The following SEC14L1 variants were observed in gnomAD, a reference collection of about 807,000 sequenced individuals.
SEC14L1 encodes SEC14-like protein 1.
Under a neutral mutation model 85.3 loss-of-function variants are expected in SEC14L1, and 48 were observed. The ratio of observed to expected loss-of-function variants is 0.56; its 90% CI spans 0.45 to 0.72. The LOEUF (loss-of-function observed/expected upper bound fraction) is 0.72, where lower values mean the gene tolerates loss of function less well. Ranked by LOEUF, SEC14L1 falls within the 30% of genes least tolerant of loss-of-function variation. The pLI is 0.00. For synonymous variants in SEC14L1, 391 were observed against 355.5 expected (o/e 1.10, Z -1.12); for missense variants, 682 against 921.4 (o/e 0.74, Z 3.36).
intron 3 of SEC14L1, among the ~76,000 whole-genome samples, chr17:77,172,594 A>G (rs1171466727): frequency 1.3e-5 from 2 of 152,058 alleles, no homozygotes; most frequent in South Asian, 2.1e-4. Context: ...AAGCTGCTCT[A>G]TAGATTTATC....
At chr17:77,172,000 G>A (rs118160094) in intron 3 of SEC14L1, among the ~76,000 whole-genome samples, 229 of 152,144 alleles carry the variant, frequency 1.5e-3, no homozygotes, top group Non-Finnish European at 2.6e-3. Context: ...TCCTGCCTCC[G>A]GGATTAACAG....
chr17:77,166,135 C>A (rs1974267979), intron 3 of SEC14L1, among the ~76,000 whole-genome samples: 1 of 152,158 alleles, frequency 6.6e-6, no homozygotes, highest in African/African-American at 2.4e-5. Flanking sequence ...GAGATGAGAT[C>A]TTGCTATGTT....
chr17:77,196,083 T>G (rs1975794546), intron 7 of SEC14L1, 119 bp from the exon 8 acceptor site: 1 of 701,628 alleles, frequency 1.4e-6, no homozygotes, highest in African/African-American at 1.8e-5. Context: ...CTGCCATCTC[T>G]GCGGTTTCAT....
chr17:77,092,375 T>C (rs1339743140), intron 2 of SEC14L1, among the ~76,000 whole-genome samples: 1 of 152,120 alleles, frequency 6.6e-6, no homozygotes, highest in African/African-American at 2.4e-5. Flanking sequence ...GGACATTTTC[T>C]GTTGAACCCT....
In SEC14L1 at chr17:77,215,144, A is replaced by T. The variant is rs542496331; in HGVS notation, c.*1121A>T. ...GGGGGGACGGGGTGAGTGGAAACTTAGTTTGAGTAATGAAGGAATCTTCAC... is the reference window on the plus strand; with the variant it reads ...GGGGGGACGGGGTGAGTGGAAACTTTGTTTGAGTAATGAAGGAATCTTCAC... On this transcript the variant is annotated 3_prime_UTR_variant, in exon 17 of 17. Coordinates refer to ENST00000436233, the MANE Select transcript of SEC14L1 (RefSeq NM_001143998.2). 1 of 985,296 alleles carries T rather than the reference A, an allele frequency of 1.0e-6. No individual in the cohort carries two copies. Among genetic ancestry groups the T allele is most frequent in the East Asian group, 1.1e-4 (1 of 8,804 alleles). 61.0% of individuals were successfully genotyped at this position (985,296 alleles called of 1,614,324 possible).
rs778131840 is a variant in SEC14L1 at position 77,213,364 on chromosome 17, C to G, written c.1914C>G (p.Phe638Leu). Reference protein sequence around the residue: ...WPGFYILQWKFHSMPACAASS... With the variant: ...WPGFYILQWKLHSMPACAASS... ...GCTTCTACATCCTGCAGTGGAAATT[C>G]CACAGCATGCCTGCGTGCGCCGCCA... The change falls in exon 16 of 17, where the codon TTC (phenylalanine) becomes TTG (leucine). Residue 638 changes from phenylalanine to leucine, a missense_variant. Phe to Leu is a conservative substitution (Grantham distance 22). This residue lies in a region of SEC14L1 where 420 missense variants were observed against 619.5 expected (regional missense o/e 0.68). Coordinates refer to ENST00000436233, the MANE Select transcript of SEC14L1 (RefSeq NM_001143998.2). This position sits in a 1 kb window ranked among gnomAD's most constrained non-coding sequence, Gnocchi z 7.1. The G allele has an allele frequency of 3.7e-6, 6 of 1,613,212 alleles. No homozygotes were observed. Among genetic ancestry groups the G allele is most frequent in the Non-Finnish European group, 4.2e-6 (5 of 1,179,894 alleles).
upstream of SEC14L1, among the ~76,000 whole-genome samples, chr17:77,139,518 G>T (rs1301240644): frequency 3.0e-5 from 4 of 132,858 alleles, no homozygotes; most frequent in Non-Finnish European, 6.4e-5. Context: ...TTTTTTTTGG[G>T]ACGGAGTCTC....
intron 3 of SEC14L1, among the ~76,000 whole-genome samples, chr17:77,131,573 G>A (rs1368541850): frequency 6.6e-6 from 1 of 152,182 alleles, no homozygotes; most frequent in Admixed American, 6.6e-5. Flanking sequence ...CCCAGCTGTA[G>A]TGGGTCTTTC....
At chr17:77,189,220 A>T (rs888713373) in intron 3 of SEC14L1, among the ~76,000 whole-genome samples, 4 of 152,194 alleles carry the variant, frequency 2.6e-5, no homozygotes, top group African/African-American at 9.6e-5. Context: ...CTTTGTAGAC[A>T]GAAAAGGGGT....
At chr17:77,186,700 C>G (rs559804652) in intron 3 of SEC14L1, among the ~76,000 whole-genome samples, 2 of 152,178 alleles carry the variant, frequency 1.3e-5, no homozygotes, top group Non-Finnish European at 2.9e-5. Flanking sequence ...CTGTGATTCT[C>G]TAGTCCTTCT....
At chr17:77,137,972 C>A (rs1286891443), upstream of SEC14L1, among the ~76,000 whole-genome samples, 1 of 152,144 alleles carries the variant, frequency 6.6e-6, no homozygotes, top group Non-Finnish European at 1.5e-5. Flanking sequence ...TCAAATCAGT[C>A]TCCCTGAACA....
intron 3 of SEC14L1, among the ~76,000 whole-genome samples, chr17:77,163,429 T>C (rs1360471853): frequency 6.6e-6 from 1 of 152,242 alleles, no homozygotes; most frequent in Non-Finnish European, 1.5e-5. Context: ...ACTTCACTAG[T>C]ACCAATGAGT....
At chr17:77,120,200 C>T (rs1972262135) in intron 3 of SEC14L1, among the ~76,000 whole-genome samples, 1 of 151,990 alleles carries the variant, frequency 6.6e-6, no homozygotes, top group Non-Finnish European at 1.5e-5. Context: ...AGTGAGACAT[C>T]CTATCTTTAG....
At chr17:77,124,996 TA>T in intron 3 of SEC14L1, among the ~76,000 whole-genome samples, 1 of 41,936 alleles carries the variant, frequency 2.4e-5, no homozygotes. Context: ...TTATTATTAT[TA>T]TTTTTATTAT....
At chr17:77,209,503 G>T in intron 14 of SEC14L1, 27 bp downstream of exon 14, 1 of 1,609,982 alleles carries the variant, frequency 6.2e-7, no homozygotes, top group Non-Finnish European at 8.5e-7. Flanking sequence ...CCTGCACCTG[G>T]GCCGGCCCTT....
intron 3 of SEC14L1, among the ~76,000 whole-genome samples, chr17:77,175,773 C>T (rs1470773872): frequency 6.6e-6 from 1 of 152,176 alleles, no homozygotes; most frequent in Non-Finnish European, 1.5e-5. Context: ...TTTCCTGGGT[C>T]TCGGCTGTGC....
rs201400856 is a variant in SEC14L1 at position 77,209,446 on chromosome 17, T to C, written c.1581T>C (p.Ser527=). 1 of 1,614,208 alleles carries C rather than the reference T, an allele frequency of 6.2e-7. No homozygotes were observed. The highest frequency in any genetic ancestry group is 8.5e-7 in the Non-Finnish European group (1 of 1,180,036). The part of the protein sequence containing the change: ...LKLWTETIYQ[S]ASVFKGAPHE... ...TCTGGACTGAGACCATCTACCAGTC[T>C]GCAAGCGTCTTCAAAGGAGCCCCAC... is the stretch of plus-strand genomic sequence containing the variant. Residue 527 remains serine, a synonymous_variant, in exon 14 of 17, where the codon TCT becomes TCC. Transcript: ENST00000436233.
chr17:77,196,333 A>G (rs745761091), intron 8 of SEC14L1, 22 bp downstream of exon 8: 7 of 1,409,426 alleles, frequency 5.0e-6, no homozygotes, highest in Non-Finnish European at 7.0e-6. Context: ...CACCACACCC[A>G]GTGTGCAGGG....
At chr17:77,164,197 G>A (rs1046006971) in intron 3 of SEC14L1, among the ~76,000 whole-genome samples, 1 of 152,204 alleles carries the variant, frequency 6.6e-6, no homozygotes, top group African/African-American at 2.4e-5. Flanking sequence ...ACCCGGTACC[G>A]TGCCCCCGAG....
Sources: allele counts gnomAD v4.1 joint callset (sites outside exome capture counted in the v4.1 genomes callset), GRCh38; gene constraint gnomAD v4.1.1; regional missense constraint gnomAD v4.1.1; non-coding constraint Gnocchi (gnomAD v3.1); transcripts MANE v1.5; gene names NCBI Gene and HGNC (gene_info 2026-07-23, HGNC 2026-07-21).